The following PCDHA3 variants were observed in gnomAD, a reference collection of about 807,000 sequenced individuals.
The protein encoded by PCDHA3 is protocadherin alpha 3.
PCDHA3 carries 41 observed loss-of-function variants against 62.2 expected under a neutral mutation model. That is an observed-to-expected ratio of 0.66 (90% CI 0.51 to 0.86). PCDHA3 has a LOEUF of 0.86. Ranked by LOEUF, PCDHA3 falls within the 40% of genes least tolerant of loss-of-function variation. The pLI is 0.00. For synonymous variants in PCDHA3, 640 were observed against 555.4 expected, an observed-to-expected ratio of 1.15 and a Z score of -2.14; for missense variants, 1,304 against 1,241.2, an observed-to-expected ratio of 1.05 and a Z score of -0.76.
chr5:140,858,142 G>A lies in PCDHA3; in HGVS notation c.2394+54551G>A, dbSNP rs782422253. 2.5e-6 allele frequency: 4 copies of A among 1,597,702 alleles called. No individual in the cohort carries two copies. The South Asian group carries it at 3.3e-5, about 13-fold the overall frequency. On this transcript the variant is annotated intron_variant, in intron 1 of 3. Transcript: ENST00000522353. The stretch of plus-strand genomic sequence containing the variant: ...CCCTGGTGGATGTCAACGTGTACCT[G>A]ATCATCGCCATCTGCGCGGTGTCCA...
chr5:140,850,362 C>T (rs199864758), intron 1 of PCDHA3: 1 of 1,597,838 alleles, frequency 6.3e-7, no homozygotes, highest in South Asian at 1.1e-5. Flanking sequence ...CATCCCGTTC[C>T]GCGTGGGGCT....
chr5:140,824,376 A>G, intron 1 of PCDHA3: 2 of 567,188 alleles, frequency 3.5e-6, no homozygotes, highest in Non-Finnish European at 6.1e-6. Context: ...TGAATTTTGC[A>G]TCTCTAAAAA....
intron 1 of PCDHA3, chr5:140,850,086 C>T (rs2150466254): frequency 1.1e-5 from 17 of 1,596,424 alleles, no homozygotes; most frequent in African/African-American, 2.7e-5. Context: ...GCTGGAGCTG[C>T]TACAGTTCCA....
chr5:140,935,389 C>T (rs559765340), intron 1 of PCDHA3, among the ~76,000 whole-genome samples: 20 of 152,288 alleles, frequency 1.3e-4, no homozygotes, highest in African/African-American at 4.8e-4. Flanking sequence ...CATTTGTTAT[C>T]CCACGGGACT....
chr5:140,922,172 C>T (rs1466116071), intron 1 of PCDHA3, among the ~76,000 whole-genome samples: 2 of 134,528 alleles, frequency 1.5e-5, no homozygotes, highest in Non-Finnish European at 3.3e-5. Context: ...AAAAGTACAG[C>T]AGACAAAAAA....
intron 1 of PCDHA3, chr5:140,968,973 C>T (rs1404110882): frequency 4.3e-6 from 7 of 1,614,076 alleles, no homozygotes; most frequent in African/African-American, 2.7e-5. Flanking sequence ...CGCTACACTG[C>T]GTATGGCACT....
intron 1 of PCDHA3, chr5:140,929,602 A>G: frequency 2.4e-6 from 1 of 417,610 alleles, no homozygotes; most frequent in Non-Finnish European, 4.3e-6. Flanking sequence ...CTAAAATTAA[A>G]AATAAAATAC....
intron 1 of PCDHA3, chr5:140,876,480 C>A (rs368324550): frequency 6.2e-7 from 1 of 1,613,992 alleles, no homozygotes; most frequent in Non-Finnish European, 8.5e-7. Context: ...ACAGCATGGT[C>A]CTGGTGGAAG....
intron 1 of PCDHA3, among the ~76,000 whole-genome samples, chr5:140,955,667 T>C (rs1485421057): frequency 6.6e-6 from 1 of 152,188 alleles, no homozygotes; most frequent in Admixed American, 6.5e-5. Flanking sequence ...AATTTTAACA[T>C]AGTTTTTTCG....
intron 2 of PCDHA3, among the ~76,000 whole-genome samples, chr5:140,979,404 C>T (rs2096848893): frequency 6.6e-6 from 1 of 151,980 alleles, no homozygotes; most frequent in Non-Finnish European, 1.5e-5. Context: ...ATGTTGTCTA[C>T]CTTGTTTTTT....
At chr5:140,849,062 A>G (rs2040761677) in intron 1 of PCDHA3, 2 of 1,547,906 alleles carry the variant, frequency 1.3e-6, no homozygotes, top group South Asian at 1.1e-5. Context: ...ACCAGCAGGT[A>G]AAACCTCTTG....
At position 140,843,683 on chromosome 5, in the gene PCDHA3, G is replaced by C. The variant is rs2150364990; in HGVS notation, c.2394+40092G>C. ...TCTGGGATCAGTTGATGTAGGCGAA[G>C]AGCAAGATTTAAATGTTGATCATGG... On this transcript the variant is annotated intron_variant, in intron 1 of 3. Coordinates refer to ENST00000522353, the MANE Select transcript of PCDHA3 (RefSeq NM_018906.3). 1.7e-5 allele frequency: 27 copies of C among 1,589,836 alleles called. 2 individuals are homozygous for C. The highest frequency in any genetic ancestry group is 1.7e-4 in the Middle Eastern group (1 of 6,012).
At chr5:140,920,889 T>G (rs1488579126) in intron 1 of PCDHA3, among the ~76,000 whole-genome samples, 2 of 150,044 alleles carry the variant, frequency 1.3e-5, no homozygotes, top group African/African-American at 4.9e-5. Context: ...GAACTTAAAG[T>G]CATATTTTGG....
At position 140,846,759 on chromosome 5, in the gene PCDHA3, C is replaced by T. The variant is rs1032895477; in HGVS notation, c.2394+43168C>T. Among the ~76,000 whole-genome samples the T allele has an allele frequency of 1.0e-4, 15 of 149,272 alleles. 2 individuals carry two copies. Among genetic ancestry groups the T allele is most frequent in the Admixed American group, 2.0e-4 (3 of 14,888 alleles). On this transcript the variant is annotated intron_variant, in intron 1 of 3. Transcript: ENST00000522353. Reference sequence around the variant, plus strand: ...TAGGACCCTTACAGATCTCTAACAGCATATCATCATGTCAGGAATTATTAC... The same window carrying T: ...TAGGACCCTTACAGATCTCTAACAGTATATCATCATGTCAGGAATTATTAC...
intron 1 of PCDHA3, chr5:140,809,040 C>G: frequency 1.2e-6 from 2 of 1,613,822 alleles, no homozygotes; most frequent in Non-Finnish European, 1.7e-6. Flanking sequence ...ACTGGTGGCG[C>G]GCGCATCCCG....
chr5:140,836,417 G>A (rs2150260300), intron 1 of PCDHA3: 22 of 1,613,704 alleles, frequency 1.4e-5, no homozygotes, highest in African/African-American at 1.1e-4. Context: ...CACCAAAGGC[G>A]TCGTCGCGGG....
At chr5:140,917,327 G>T (rs1219338384) in intron 1 of PCDHA3, among the ~76,000 whole-genome samples, 1 of 149,420 alleles carries the variant, frequency 6.7e-6, no homozygotes, top group Non-Finnish European at 1.5e-5. Context: ...CATGTGGCGG[G>T]GGAGGGGGGG....
intron 1 of PCDHA3, among the ~76,000 whole-genome samples, chr5:140,906,707 CT>C (rs1554192656): frequency 6.6e-6 from 1 of 152,198 alleles, no homozygotes; most frequent in Non-Finnish European, 1.5e-5. Flanking sequence ...ATTTGTAGTC[CT>C]GCCTGGATTG....
intron 2 of PCDHA3, among the ~76,000 whole-genome samples, chr5:140,981,681 C>T (rs1187108666): frequency 6.6e-6 from 1 of 152,064 alleles, no homozygotes; most frequent in Non-Finnish European, 1.5e-5. Context: ...TTCCTTCCTC[C>T]CTTCCATCAT....
Sources: allele counts gnomAD v4.1 joint callset (sites outside exome capture counted in the v4.1 genomes callset), GRCh38; gene constraint gnomAD v4.1.1; transcripts MANE v1.5; gene names NCBI Gene and HGNC (gene_info 2026-07-23, HGNC 2026-07-21).